Variants in SHE observed in about 807,000 individuals in gnomAD.
The protein encoded by SHE is Src homology 2 domain containing E, also known as SH2 domain-containing adapter protein E.
In SHE, 11 loss-of-function variants were observed where a neutral mutation model predicts 49.8. The observed-to-expected ratio is 0.22, with a 90% confidence interval of 0.14 to 0.37. The LOEUF (loss-of-function observed/expected upper bound fraction) is 0.37, where lower values mean the gene tolerates loss of function less well. Ranked by LOEUF, SHE falls within the 10% of genes least tolerant of loss-of-function variation. SHE has a pLI of 1.00. For synonymous variants in SHE, 310 were observed against 278.1 expected (o/e 1.11, Z -1.14); for missense variants, 624 against 655.5 (o/e 0.95, Z 0.52).
intron 3 of SHE, 139 bp from the exon 4 acceptor site, chr1:154,486,822 A>G: frequency 1.1e-6 from 1 of 893,416 alleles, no homozygotes; most frequent in Non-Finnish European, 1.6e-6. Context: ...TATACTGCAA[A>G]ATACCCTGGC....
chr1:154,485,677 A>G, intron 5 of SHE: 1 of 350,876 alleles, frequency 2.9e-6, no homozygotes, highest in Non-Finnish European at 5.4e-6. Context: ...ACTCCAGATT[A>G]GGTAATGTAA....
chr1:154,479,807 C>A lies in SHE; in HGVS notation c.*4342G>T. ...ATACAATTTGAGATTCTAAATTACA[C>A]GATCCAGCCTTAGTCCAGGGACCTT... On this transcript the variant is annotated 3_prime_UTR_variant, in exon 6 of 6. Transcript: ENST00000304760. 1 of 985,378 alleles carries A rather than the reference C, an allele frequency of 1.0e-6. No homozygotes were observed. The highest frequency in any genetic ancestry group is 4.7e-5 in the South Asian group (1 of 21,288). The allele number at this position is 985,378 out of a possible 1,614,324, so 61.0% of individuals were successfully genotyped here.
rs1692294113 is a variant in SHE at position 154,489,352 on chromosome 1, A to G, written c.723T>C (p.Ile241=). The G allele has an allele frequency of 6.2e-7, 1 of 1,611,976 alleles. No individual in the cohort carries two copies. Among genetic ancestry groups the G allele is most frequent in the Non-Finnish European group, 8.5e-7 (1 of 1,179,100 alleles). The change falls in exon 3 of 6, where the codon ATT becomes ATC. Residue 241 remains isoleucine (I), a synonymous_variant. Transcript: ENST00000304760. The part of the protein sequence containing the change: ...PYDAQQMITE[I]RRRGSKDPLV... ...GGGGATCTTTGGAACCCCGTCGTCT[A>G]ATTTCTGAAAAACACACACCATTTC...
chr1:154,486,567 C>G lies in SHE; in HGVS notation c.1141G>C (p.Gly381Arg), dbSNP rs1692188120. The change falls in exon 4 of 6, where the codon GGA becomes CGA. Residue 381 changes from glycine (G) to arginine (R), a missense_variant. This residue lies in a region of SHE where 125 missense variants were observed against 181.7 expected (regional missense o/e 0.69). Coordinates refer to ENST00000304760, the MANE Select transcript of SHE (RefSeq NM_001010846.3). ...GGCAGGCCCGGGTCCACTTTCTCTC[C>G]CTCACTGTGGTCCGAGAGGGCTGGC... Reference protein sequence around the residue: ...LKPALSDHSEGEKVDPGLPLE... With the variant: ...LKPALSDHSEREKVDPGLPLE... 1 of 1,614,182 alleles carries G rather than the reference C, an allele frequency of 6.2e-7. No individual in the cohort carries two copies. Among genetic ancestry groups the G allele is most frequent in the East Asian group, 2.2e-5 (1 of 44,878 alleles).
Position 154,482,796 on chromosome 1 carries a change from C to G in SHE, c.*1353G>C, listed in dbSNP as rs1237424005. ...GGTATTTAAGAGAAAACCTCTAGGTCTTTTCAAACACTTCTGTATAGTACA... is the reference window on the plus strand; with the variant it reads ...GGTATTTAAGAGAAAACCTCTAGGTGTTTTCAAACACTTCTGTATAGTACA... On this transcript the variant is annotated 3_prime_UTR_variant, in exon 6 of 6. Coordinates refer to ENST00000304760, the MANE Select transcript of SHE (RefSeq NM_001010846.3). 4 of 985,252 alleles carry G rather than the reference C, an allele frequency of 4.1e-6. No individual in the cohort carries two copies. The highest frequency in any genetic ancestry group is 4.8e-6 in the Non-Finnish European group (4 of 829,920). The allele number at this position is 985,252 out of a possible 1,614,324, so 61.0% of individuals were successfully genotyped here.
chr1:154,481,869 A>G lies in SHE; in HGVS notation c.*2280T>C. 3.4e-6 allele frequency: 3 copies of G among 880,888 alleles called. No individual in the cohort carries two copies. The highest frequency in any genetic ancestry group is 4.1e-6 in the Non-Finnish European group (3 of 734,718). 54.6% of individuals were successfully genotyped at this position (880,888 alleles called of 1,614,324 possible). On this transcript the variant is annotated 3_prime_UTR_variant, in exon 6 of 6. Transcript: ENST00000304760. ...TGGTTTTTTGTTTGCTTGCTTGTTG[A>G]GACAGGGTCTCACTCTGTCACTCAG...
intron 3 of SHE, among the ~76,000 whole-genome samples, chr1:154,488,612 A>G (rs1692258457): frequency 6.6e-6 from 1 of 151,688 alleles, no homozygotes; most frequent in Non-Finnish European, 1.5e-5. Context: ...TTTGAGACAG[A>G]GTCTCGCTCT....
chr1:154,498,479 C>T (rs577832757), intron 2 of SHE, among the ~76,000 whole-genome samples: 2 of 150,804 alleles, frequency 1.3e-5, no homozygotes, highest in East Asian at 2.0e-4. Context: ...CTTGTTGCAA[C>T]CTCCTCCTCC....
intron 2 of SHE, among the ~76,000 whole-genome samples, chr1:154,495,554 T>G (rs529505635): frequency 6.6e-6 from 1 of 152,262 alleles, no homozygotes; most frequent in South Asian, 2.1e-4. Context: ...CAGTTTCCTC[T>G]GCCCCTGAGG....
At chr1:154,496,842 A>T (rs982670380) in intron 2 of SHE, among the ~76,000 whole-genome samples, 15 of 152,192 alleles carry the variant, frequency 9.9e-5, no homozygotes, top group Admixed American at 5.2e-4. Flanking sequence ...CTCCAAATAA[A>T]CAGATGTATG....
chr1:154,502,182 C>T lies in SHE; in HGVS notation c.-156G>A. ...TAGCCTCTGCTCCGGACACGGCAGG[C>T]GACAGGCACGACGCGCGGGGGGCCC... On this transcript the variant is annotated 5_prime_UTR_variant, in exon 1 of 6. Transcript: ENST00000304760. The T allele has an allele frequency of 4.5e-6, 2 of 443,018 alleles. No homozygotes were observed. Among genetic ancestry groups the T allele is most frequent in the Non-Finnish European group, 6.7e-6 (2 of 297,482 alleles). The allele number at this position is 443,018 out of a possible 1,614,324, so 27.4% of individuals were successfully genotyped here. A position where few individuals can be genotyped will look rare whatever the true frequency, so the allele number is the denominator to read the frequency against.
downstream of SHE, among the ~76,000 whole-genome samples, chr1:154,476,312 C>T (rs547190481): frequency 1.3e-5 from 2 of 152,220 alleles, no homozygotes; most frequent in African/African-American, 4.8e-5. Flanking sequence ...CACCATCGCA[C>T]TCCTGCCTGG....
chr1:154,485,679 G>A (rs950778499), intron 5 of SHE: 2 of 358,200 alleles, frequency 5.6e-6, no homozygotes, highest in East Asian at 8.7e-5. Context: ...TCCAGATTAG[G>A]TAATGTAAGG....
At chr1:154,494,489 T>C (rs921372522) in intron 2 of SHE, among the ~76,000 whole-genome samples, 2 of 150,292 alleles carry the variant, frequency 1.3e-5, no homozygotes, top group Non-Finnish European at 1.5e-5. Context: ...GCTAGGATTA[T>C]AGGCATGAGC....
At chr1:154,487,128 T>A (rs534434286) in intron 3 of SHE, among the ~76,000 whole-genome samples, 30 of 152,106 alleles carry the variant, frequency 2.0e-4, no homozygotes, top group Admixed American at 2.0e-3. Flanking sequence ...AAAAAGTAGC[T>A]GGGCGTCGTG....
chr1:154,479,984 C>G lies in SHE; in HGVS notation c.*4165G>C. On this transcript the variant is annotated 3_prime_UTR_variant, in exon 6 of 6. Transcript: ENST00000304760. ...CCCTTAAATGCACAGCTGCTTTTCCCAACTGCAGTTTTCTCTTTTCCCATT... is the reference window on the plus strand; with the variant it reads ...CCCTTAAATGCACAGCTGCTTTTCCGAACTGCAGTTTTCTCTTTTCCCATT... The G allele has an allele frequency of 1.0e-6, 1 of 985,438 alleles. No individual in the cohort carries two copies. The highest frequency in any genetic ancestry group is 1.2e-6 in the Non-Finnish European group (1 of 829,938). 61.0% of individuals were successfully genotyped at this position (985,438 alleles called of 1,614,324 possible). A position where few individuals can be genotyped will look rare whatever the true frequency, so the allele number is the denominator to read the frequency against.
intron 1 of SHE, among the ~76,000 whole-genome samples, chr1:154,474,246 A>G (rs924413620): frequency 6.6e-6 from 1 of 152,200 alleles, no homozygotes; most frequent in East Asian, 1.9e-4. Context: ...TGGGAGTCTG[A>G]GCGCACATAC....
chr1:154,501,410 T>TG (rs1375649298), intron 1 of SHE, 26 bp downstream of exon 1: 1 of 1,605,454 alleles, frequency 6.2e-7, no homozygotes, highest in East Asian at 2.2e-5. Flanking sequence ...GACTGAGAGG[T>TG]GGTCCAAGGG....
At chr1:154,470,193 C>A (rs916248806) in exon 2 of SHE, 2 of 593,780 alleles carry the variant, frequency 3.4e-6, no homozygotes, top group African/African-American at 3.8e-5. Context: ...GACACAGGGA[C>A]CAGATGTCAC....
Sources: allele counts gnomAD v4.1 joint callset (sites outside exome capture counted in the v4.1 genomes callset), GRCh38; gene constraint gnomAD v4.1.1; regional missense constraint gnomAD v4.1.1; transcripts MANE v1.5; gene names NCBI Gene and HGNC (gene_info 2026-07-23, HGNC 2026-07-21).